PLEKHM3: variants seen among roughly 807,000 people sequenced by gnomAD.
The protein encoded by PLEKHM3 is pleckstrin homology domain-containing family M member 3.
A neutral mutation model predicts 81.8 loss-of-function variants in PLEKHM3; 45 were observed. The ratio of observed to expected loss-of-function variants is 0.55; its 90% CI spans 0.43 to 0.71. The LOEUF (loss-of-function observed/expected upper bound fraction) is 0.71, where lower values mean the gene tolerates loss of function less well. PLEKHM3 is among the 30% of genes least tolerant of loss of function. The pLI is 0.00. For missense variants in PLEKHM3, 788 were observed against 924.3 expected (o/e 0.85, Z 1.91); for synonymous variants, 352 against 356.4 (o/e 0.99, Z 0.14).
chr2:207,876,599 T>C (rs2092561238), intron 6 of PLEKHM3, among the ~76,000 whole-genome samples: 1 of 152,230 alleles, frequency 6.6e-6, no homozygotes. Context: ...ACTTATGCAG[T>C]GTCAATAGCC....
chr2:207,902,506 G>T (rs544144714), intron 6 of PLEKHM3, among the ~76,000 whole-genome samples: 2 of 152,106 alleles, frequency 1.3e-5, no homozygotes, highest in African/African-American at 4.8e-5. Flanking sequence ...GAGGTCACAC[G>T]GATGACAATT....
intron 2 of PLEKHM3, among the ~76,000 whole-genome samples, chr2:207,990,060 C>T (rs896800338): frequency 9.9e-5 from 15 of 152,150 alleles, no homozygotes; most frequent in Admixed American, 5.9e-4. Flanking sequence ...AAGGGATGGA[C>T]GGAGGCCAAG....
chr2:207,861,137 G>T lies in PLEKHM3; in HGVS notation c.2076C>A (p.Ile692=). ...TTGAAATATCCTCAAAAGGGTAGAG[G>T]ATCTCTCCATTGTTACAGATTTCAC... ...FICEICNNGE[I]LYPFEDISTS... is the part of the protein sequence containing the mutation. The change falls in exon 7 of 8, where the codon ATC becomes ATA. Residue 692 remains isoleucine (I), a synonymous_variant. Transcript: ENST00000427836. 6.2e-7 allele frequency: 1 copy of T among 1,614,062 alleles called. No individual in the cohort carries two copies. The highest frequency in any genetic ancestry group is 1.1e-5 in the South Asian group (1 of 91,068).
At chr2:207,979,878 AGTATTTCTGTG>A (rs2106039665) in intron 2 of PLEKHM3, among the ~76,000 whole-genome samples, 1 of 152,342 alleles carries the variant, frequency 6.6e-6, no homozygotes, top group South Asian at 2.1e-4. Context: ...GACATTCATT[AGTATTTCTGTG>A]GTAACTCAAA....
intron 4 of PLEKHM3, among the ~76,000 whole-genome samples, chr2:207,935,903 G>T (rs549302169): frequency 6.6e-6 from 1 of 152,232 alleles, no homozygotes; most frequent in Admixed American, 6.5e-5. Context: ...GATCCCATTT[G>T]ATTTTAACTT....
intron 3 of PLEKHM3, among the ~76,000 whole-genome samples, chr2:207,972,605 A>AT (rs1691166250): frequency 6.6e-6 from 1 of 151,312 alleles, no homozygotes; most frequent in Admixed American, 6.6e-5. Flanking sequence ...AAAAAAAAAA[A>AT]GAAGACCACT....
rs138032442 is a variant in PLEKHM3 at position 208,017,962 on chromosome 2, G to A, written c.-319+7427C>T. 2.6e-3 allele frequency among the ~76,000 whole-genome samples: 402 copies of A among 152,068 alleles called. 2 individuals carry two copies. The highest frequency in any genetic ancestry group is 9.1e-3 in the African/African-American group (376 of 41,472). Reference sequence around the variant, plus strand: ...GGGTTCCCCTTCCTATGCCCATATCGTAAATGTGGGTATTCCTGTTTTGCC... The same window carrying A: ...GGGTTCCCCTTCCTATGCCCATATCATAAATGTGGGTATTCCTGTTTTGCC... On this transcript the variant is annotated intron_variant, in intron 1 of 7. Coordinates refer to ENST00000427836, the MANE Select transcript of PLEKHM3 (RefSeq NM_001080475.3).
rs1390762031 is a variant in PLEKHM3 at position 207,826,530 on chromosome 2, G to C, written c.*1789C>G. The C allele has an allele frequency of 1.3e-5, 2 of 152,216 alleles. No homozygotes were observed. The highest frequency in any genetic ancestry group is 4.8e-5 in the African/African-American group (2 of 41,442). 9.4% of individuals were successfully genotyped at this position (152,216 alleles called of 1,614,324 possible). ...GCTACTGTATAGTCAGAAAATAAAT[G>C]CATGTATGGTGTTGAGCTATTAAGG... On this transcript the variant is annotated 3_prime_UTR_variant, in exon 8 of 8. Transcript: ENST00000427836.
chr2:207,846,557 A>C (rs2092384220), intron 7 of PLEKHM3, among the ~76,000 whole-genome samples: 1 of 150,462 alleles, frequency 6.6e-6, no homozygotes, highest in African/African-American at 2.4e-5. Flanking sequence ...CCATCTCTAC[A>C]AAAAAAAATA....
Position 208,025,520 on chromosome 2 carries a change from C to T in PLEKHM3, c.-450G>A, listed in dbSNP as rs1387724125. 1 of 152,356 alleles carries T rather than the reference C, an allele frequency of 6.6e-6. No homozygotes were observed. Among genetic ancestry groups the T allele is most frequent in the Admixed American group, 6.5e-5 (1 of 15,292 alleles). The allele number at this position is 152,356 out of a possible 1,614,324, so 9.4% of individuals were successfully genotyped here. On this transcript the variant is annotated 5_prime_UTR_variant, in exon 1 of 8. Transcript: ENST00000427836. Reference sequence around the variant, plus strand: ...GGGCGCTGACCATCCCGGCCCGGCTCTGTTTACAAGCGGCTTCTCGCGGTC... The same window carrying T: ...GGGCGCTGACCATCCCGGCCCGGCTTTGTTTACAAGCGGCTTCTCGCGGTC...
chr2:207,961,570 G>T (rs1374521845), intron 3 of PLEKHM3, among the ~76,000 whole-genome samples: 1 of 152,100 alleles, frequency 6.6e-6, no homozygotes, highest in Non-Finnish European at 1.5e-5. Flanking sequence ...TTCTGTGGTT[G>T]CTTTTATATC....
At chr2:207,928,040 C>A (rs1269939768) in intron 5 of PLEKHM3, among the ~76,000 whole-genome samples, 2 of 152,146 alleles carry the variant, frequency 1.3e-5, no homozygotes, top group Non-Finnish European at 2.9e-5. Flanking sequence ...CCTCAACTTA[C>A]CCCTTCCCTC....
At chr2:207,972,352 C>CG (rs1425479996) in intron 3 of PLEKHM3, among the ~76,000 whole-genome samples, 12 of 43,158 alleles carry the variant, frequency 2.8e-4, no homozygotes, top group East Asian at 2.4e-3. Flanking sequence ...GGCCGGGGGG[C>CG]GGGGGGGCGG....
At chr2:207,903,456 T>A (rs1688507911) in intron 6 of PLEKHM3, among the ~76,000 whole-genome samples, 1 of 152,124 alleles carries the variant, frequency 6.6e-6, no homozygotes. Context: ...ACAAATAGAA[T>A]CATTCAATGC....
At chr2:207,945,897 T>C (rs906090414) in intron 4 of PLEKHM3, among the ~76,000 whole-genome samples, 10 of 146,966 alleles carry the variant, frequency 6.8e-5, no homozygotes, top group Non-Finnish European at 1.5e-4. Flanking sequence ...TGAGACAATG[T>C]CTAAAAAAAA....
chr2:207,869,229 T>C (rs1191644188), intron 6 of PLEKHM3, among the ~76,000 whole-genome samples: 3 of 152,222 alleles, frequency 2.0e-5, no homozygotes, highest in Admixed American at 6.5e-5. Flanking sequence ...TTTGGTAATA[T>C]GACTAGTGAT....
intron 2 of PLEKHM3, among the ~76,000 whole-genome samples, chr2:207,982,754 T>C (rs1047042913): frequency 6.6e-5 from 10 of 151,732 alleles, no homozygotes; most frequent in African/African-American, 2.4e-4. Flanking sequence ...TATTTTTGTA[T>C]TTTTAGTAGA....
At chr2:207,870,297 G>T (rs571880005) in intron 6 of PLEKHM3, among the ~76,000 whole-genome samples, 32 of 152,298 alleles carry the variant, frequency 2.1e-4, no homozygotes, top group Middle Eastern at 6.8e-3. Flanking sequence ...TTATGCATTG[G>T]CTAATTCCTT....
intron 4 of PLEKHM3, among the ~76,000 whole-genome samples, chr2:207,932,736 G>C (rs1207231009): frequency 6.6e-6 from 1 of 152,164 alleles, no homozygotes; most frequent in Non-Finnish European, 1.5e-5. Flanking sequence ...CTGGTGGGGA[G>C]AGGGTTGGCA....
Sources: gnomAD v4.1 joint callset for allele counts (sites outside exome capture counted in the v4.1 genomes callset) on GRCh38, gnomAD v4.1.1 for gene constraint, MANE v1.5 for transcripts, NCBI Gene and HGNC (gene_info 2026-07-23, HGNC 2026-07-21) for gene names.